Variants in UNC13D observed in about 807,000 individuals in gnomAD.
UNC13D encodes the protein unc-13 homolog D.
Under a neutral mutation model 151.7 loss-of-function variants are expected in UNC13D, and 115 were observed. The ratio of observed to expected loss-of-function variants is 0.76; its 90% CI spans 0.65 to 0.88. The LOEUF is 0.88. Ranked by LOEUF, UNC13D falls within the 40% of genes least tolerant of loss-of-function variation. UNC13D has a pLI of 0.00. For missense variants in UNC13D, 1,369 were observed against 1,438.7 expected, an observed-to-expected ratio of 0.95 and a Z score of 0.78; for synonymous variants, 588 against 612.2, an observed-to-expected ratio of 0.96 and a Z score of 0.58.
In UNC13D at chr17:75,830,342, C is replaced by G; in HGVS notation, c.2830+20G>C. The G allele has an allele frequency of 6.3e-7, 1 of 1,590,180 alleles. No individual in the cohort carries two copies. The highest frequency in any genetic ancestry group is 8.5e-7 in the Non-Finnish European group (1 of 1,170,152). ...CCAGGACGGGACCATGGAGAGTGGC[C>G]AAAGGCAGCCTCCACTCACCATTGG... is the stretch of plus-strand genomic sequence containing the variant. On this transcript the variant is annotated intron_variant, in intron 29 of 31. Coordinates refer to ENST00000207549, the MANE Select transcript of UNC13D (RefSeq NM_199242.3).
chr17:75,830,409 C>T lies in UNC13D; in HGVS notation c.2783G>A (p.Arg928His), dbSNP rs113461073. ...GCTGGAGGCGCTGAGCAGCTCCACACGCAGCTTCTGCTCAGAGGCGCGGTA... is the reference window on the plus strand; with the variant it reads ...GCTGGAGGCGCTGAGCAGCTCCACATGCAGCTTCTGCTCAGAGGCGCGGTA... Reference protein sequence around the residue: ...ASYRASEQKLRVELLSASSLL... With the variant: ...ASYRASEQKLHVELLSASSLL... The change falls in exon 29 of 32, where the codon CGT (arginine) becomes CAT (histidine). Residue 928 changes from arginine to histidine, a missense_variant. Physicochemically the swap from Arg to His is conservative, Grantham distance 29. This residue lies in a region of UNC13D where 807 missense variants were observed against 795.5 expected (regional missense o/e 1.01). Coordinates refer to ENST00000207549, the MANE Select transcript of UNC13D (RefSeq NM_199242.3). 1.4e-4 allele frequency: 224 copies of T among 1,588,998 alleles called. No homozygotes were observed. In the African/African-American group the frequency reaches 2.0e-3, roughly 14 times the overall value.
rs1450744252 is a variant in UNC13D, at chr17:75,835,401, G to A, written c.1848+8C>T. On this transcript the variant is annotated splice_region_variant and intron_variant, in intron 20 of 31. Transcript: ENST00000207549. ...GGGCCCCGCCCCCTGCCCTGGCCACGCCCCCACCTCATCCATCTGCACAGC... is the reference window on the plus strand; with the variant it reads ...GGGCCCCGCCCCCTGCCCTGGCCACACCCCCACCTCATCCATCTGCACAGC... 5.6e-6 allele frequency: 9 copies of A among 1,610,446 alleles called. No individual in the cohort carries two copies. Among genetic ancestry groups the A allele is most frequent in the South Asian group, 3.3e-5 (3 of 90,976 alleles).
At position 75,844,212 on chromosome 17, in the gene UNC13D, C is replaced by G. The variant is rs1009838525; in HGVS notation, c.117+9G>C. 5.0e-6 allele frequency: 8 copies of G among 1,610,682 alleles called. No homozygotes were observed. In the African/African-American group the frequency reaches 1.1e-4, roughly 21 times the overall value. On this transcript the variant is annotated intron_variant, in intron 1 of 31. Coordinates refer to ENST00000207549, the MANE Select transcript of UNC13D (RefSeq NM_199242.3). ...AGGCCAGCTCTCTCCCCAGTGAGGT[C>G]ACTCCTACCTCCGGGGCCATTTGGG...
At chr17:75,835,335 T>C in intron 20 of UNC13D, 74 bp downstream of exon 20, 3 of 1,576,930 alleles carry the variant, frequency 1.9e-6, no homozygotes, top group South Asian at 2.2e-5. Context: ...TTTACTACGC[T>C]TTGGAGGTCC....
At position 75,827,883 on chromosome 17, in the gene UNC13D, T is replaced by C; in HGVS notation, c.*82A>G. ...GTTAGGCCAGGCTGGAGGGCCGCGATGTGGCGGGGAAGCCCCAGACCCTAC... is the reference window on the plus strand; with the variant it reads ...GTTAGGCCAGGCTGGAGGGCCGCGACGTGGCGGGGAAGCCCCAGACCCTAC... On this transcript the variant is annotated 3_prime_UTR_variant, in exon 32 of 32. Coordinates refer to ENST00000207549, the MANE Select transcript of UNC13D (RefSeq NM_199242.3). The C allele has an allele frequency of 6.5e-7, 1 of 1,532,204 alleles. No homozygotes were observed. The highest frequency in any genetic ancestry group is 8.8e-7 in the Non-Finnish European group (1 of 1,142,044). 94.9% of individuals were successfully genotyped at this position (1,532,204 alleles called of 1,614,324 possible).
Position 75,833,128 on chromosome 17 carries a change from A to C in UNC13D, c.2368-83T>G. Reference sequence around the variant, plus strand: ...CCCCTTCCCCTGACCTGGAGGGAGGAAACAGGGCTGGGAACCGTTCTGTGA... The same window carrying C: ...CCCCTTCCCCTGACCTGGAGGGAGGCAACAGGGCTGGGAACCGTTCTGTGA... On this transcript the variant is annotated intron_variant, in intron 24 of 31. Transcript: ENST00000207549. The surrounding 1 kb of genome is among the most constrained non-coding windows in gnomAD (Gnocchi z 4.0). 2.8e-6 allele frequency: 4 copies of C among 1,405,886 alleles called. No individual in the cohort carries two copies. Among genetic ancestry groups the C allele is most frequent in the Non-Finnish European group, 3.9e-6 (4 of 1,018,488 alleles). The allele number at this position is 1,405,886 out of a possible 1,614,324, so 87.1% of individuals were successfully genotyped here. A position where few individuals can be genotyped will look rare whatever the true frequency, so the allele number is the denominator to read the frequency against.
At chr17:75,843,417 G>T (rs9903200) in intron 2 of UNC13D, 67 bp downstream of exon 2, 16 of 1,577,904 alleles carry the variant, frequency 1.0e-5, no homozygotes, top group African/African-American at 1.3e-5. Context: ...TGCCATCAGC[G>T]TCGGCCGGCA....
intron 17 of UNC13D, 40 bp downstream of exon 17, chr17:75,835,972 G>A: frequency 6.2e-7 from 1 of 1,614,172 alleles, no homozygotes; most frequent in East Asian, 2.2e-5. Context: ...CCGGCTCTGA[G>A]GCAATGCCCC....
chr17:75,829,774 G>C (rs1302907138), intron 30 of UNC13D: 2 of 451,534 alleles, frequency 4.4e-6, no homozygotes, highest in Non-Finnish European at 8.1e-6. Flanking sequence ...ATTTTTAGTA[G>C]AGACTGTTGG....
In UNC13D at chr17:75,834,331, G is replaced by T. The variant is rs766536720; in HGVS notation, c.2292C>A (p.Ala764=). ...GTGCGGTCGGACAAGGTACCTGCTC[G>T]GCCAGGGTGCGGACGCCAGTGCGGA... ...HEIRTGVRTL[A]EQLEVGIAKH... The change falls in exon 23 of 32, where the codon GCC becomes GCA. Residue 764 remains alanine, a synonymous_variant. Transcript: ENST00000207549. 2 of 1,594,718 alleles carry T rather than the reference G, an allele frequency of 1.3e-6. No homozygotes were observed. Among genetic ancestry groups the T allele is most frequent in the Non-Finnish European group, 1.7e-6 (2 of 1,178,870 alleles).
At chr17:75,841,434 C>T (rs1567821761) in intron 6 of UNC13D, among the ~76,000 whole-genome samples, 1 of 145,254 alleles carries the variant, frequency 6.9e-6, no homozygotes, top group Non-Finnish European at 1.5e-5. Context: ...TGAGCCACCG[C>T]GCCCAGCCTT....
Position 75,840,358 on chromosome 17 carries a change from G to C in UNC13D, c.754-29C>G. The C allele has an allele frequency of 6.2e-7, 1 of 1,611,800 alleles. No individual in the cohort carries two copies. Among genetic ancestry groups the C allele is most frequent in the Non-Finnish European group, 8.5e-7 (1 of 1,178,874 alleles). ...ACAGGCGGGGATGCCCAGCCCGTGA[G>C]CGTCAGAACCTCATAGAGTCGGGGC... On this transcript the variant is annotated intron_variant, in intron 9 of 31. Coordinates refer to ENST00000207549, the MANE Select transcript of UNC13D (RefSeq NM_199242.3). The surrounding 1 kb of genome is among the most constrained non-coding windows in gnomAD (Gnocchi z 4.6).
intron 6 of UNC13D, among the ~76,000 whole-genome samples, chr17:75,841,529 C>T (rs2064949666): frequency 6.7e-6 from 1 of 150,042 alleles, no homozygotes; most frequent in South Asian, 2.1e-4. Context: ...GCAACCTCCG[C>T]CTCCCGGGTT....
Position 75,842,933 on chromosome 17 carries a change from C to T in UNC13D, c.322-10G>A, listed in dbSNP as rs1427777676. On this transcript the variant is annotated splice_polypyrimidine_tract_variant and intron_variant, in intron 4 of 31. Coordinates refer to ENST00000207549, the MANE Select transcript of UNC13D (RefSeq NM_199242.3). ...GACAAAATATTGGCTTCTGGAGGGA[C>T]AGGAGGGATGGCCTGAGTCCCTGAG... 6.2e-7 allele frequency: 1 copy of T among 1,613,362 alleles called. No homozygotes were observed. The highest frequency in any genetic ancestry group is 1.7e-5 in the Admixed American group (1 of 60,032).
Position 75,827,307 on chromosome 17 carries a change from CGTGCGCAGCAGACACA to C in UNC13D, c.*642_*657del. 1.5e-6 allele frequency: 1 copy of C among 658,796 alleles called. No homozygotes were observed. The highest frequency in any genetic ancestry group is 1.8e-5 in the African/African-American group (1 of 54,154). The allele number at this position is 658,796 out of a possible 1,614,324, so 40.8% of individuals were successfully genotyped here. ...TGGCAGGTGCTGTCCGGGGAGGGGG[CGTGCGCAGCAGACACA>C]GCAGCCAAACTGTCCTTTCTGCTTC... On this transcript the variant is annotated 3_prime_UTR_variant, in exon 32 of 32. Transcript: ENST00000207549.
chr17:75,835,263 C>T (rs909910802), intron 20 of UNC13D, 146 bp downstream of exon 20: 10 of 1,349,350 alleles, frequency 7.4e-6, no homozygotes, highest in Admixed American at 4.2e-5. Context: ...CCAGAGGCAG[C>T]GTTTTGCACA....
At position 75,833,191 on chromosome 17, in the gene UNC13D, A is replaced by C; in HGVS notation, c.2368-146T>G. On this transcript the variant is annotated intron_variant, in intron 24 of 31. Transcript: ENST00000207549. This position sits in a 1 kb window ranked among gnomAD's most constrained non-coding sequence, Gnocchi z 4.0. ...GTGTCTGTAAGAGGCCGGCCTGCCC[A>C]CCTCTCTGCCTTCCCCTCTCCGTTG... is the stretch of plus-strand genomic sequence containing the variant. 1 of 709,570 alleles carries C rather than the reference A, an allele frequency of 1.4e-6. No homozygotes were observed. 44.0% of individuals were successfully genotyped at this position (709,570 alleles called of 1,614,324 possible).
At position 75,835,790 on chromosome 17, in the gene UNC13D, G is replaced by T. The variant is rs1239684958; in HGVS notation, c.1597-13C>A. 1.2e-6 allele frequency: 2 copies of T among 1,614,030 alleles called. No homozygotes were observed. The highest frequency in any genetic ancestry group is 1.1e-5 in the South Asian group (1 of 91,092). On this transcript the variant is annotated splice_polypyrimidine_tract_variant and intron_variant, in intron 18 of 31. Transcript: ENST00000207549. Reference sequence around the variant, plus strand: ...CCCGCTTGGCCACCTGCAAAGGAAAGGTGTGGAGGGCGGGGCCCACAGCTC... The same window carrying T: ...CCCGCTTGGCCACCTGCAAAGGAAATGTGTGGAGGGCGGGGCCCACAGCTC...
At chr17:75,841,105 T>A in intron 6 of UNC13D, 104 bp from the exon 7 acceptor site, 1 of 1,144,598 alleles carries the variant, frequency 8.7e-7, no homozygotes. Context: ...AGCCTATCCC[T>A]GCCAAACTTC....
Sources: gnomAD v4.1 joint callset for allele counts (sites outside exome capture counted in the v4.1 genomes callset) on GRCh38, gnomAD v4.1.1 for gene constraint, gnomAD v4.1.1 regional missense constraint, Gnocchi (gnomAD v3.1) non-coding constraint, MANE v1.5 for transcripts, NCBI Gene and HGNC (gene_info 2026-07-23, HGNC 2026-07-21) for gene names.